RBFOX1: variants seen among roughly 807,000 people sequenced by gnomAD.
RBFOX1 encodes RNA binding fox-1 homolog 1, also known as RNA binding protein fox-1 homolog 1.
RBFOX1 carries 8 observed loss-of-function variants against 57.7 expected under a neutral mutation model. That is an observed-to-expected ratio of 0.14 (90% CI 0.08 to 0.25). RBFOX1 has a LOEUF of 0.25. RBFOX1 is among the 10% of genes least tolerant of loss of function. The pLI, the probability that RBFOX1 is intolerant of heterozygous loss-of-function variation, is 1.00. For synonymous variants in RBFOX1, 326 were observed against 222.4 expected (o/e 1.47, Z -4.15); for missense variants, 611 against 548.5 (o/e 1.11, Z -1.14).
At chr16:6,579,754 T>C (rs2097506411) in intron 2 of RBFOX1, among the ~76,000 whole-genome samples, 1 of 152,076 alleles carries the variant, frequency 6.6e-6, no homozygotes, top group Non-Finnish European at 1.5e-5. Flanking sequence ...TTGGCTAATT[T>C]TTCAATTTTT....
intron 3 of RBFOX1, among the ~76,000 whole-genome samples, chr16:5,738,143 G>A (rs997532709): frequency 6.6e-6 from 1 of 151,840 alleles, no homozygotes; most frequent in African/African-American, 2.4e-5. Context: ...TGCTGAGAAT[G>A]ATCTTCTGGT....
chr16:7,703,246 A>C (rs902240199), intron 14 of RBFOX1, among the ~76,000 whole-genome samples: 9 of 152,174 alleles, frequency 5.9e-5, no homozygotes, highest in Non-Finnish European at 1.0e-4. Context: ...CATTGCAGAG[A>C]CCCGGGCCAT....
At chr16:5,855,371 C>T (rs1212647938) in intron 3 of RBFOX1, among the ~76,000 whole-genome samples, 1 of 152,140 alleles carries the variant, frequency 6.6e-6, no homozygotes, top group Non-Finnish European at 1.5e-5. Flanking sequence ...ATGTTTGAGT[C>T]TTTAATCCAT....
rs61349150 is a variant in RBFOX1, at chr16:6,940,763, A to AGTGTGTGTGTGTGT, written c.-15-111259_-15-111246dup. 9.3e-4 allele frequency among the ~76,000 whole-genome samples: 107 copies of AGTGTGTGTGTGTGT among 114,456 alleles called. 2 individuals carry two copies. Among genetic ancestry groups the AGTGTGTGTGTGTGT allele is most frequent in the South Asian group, 4.6e-3 (14 of 3,068 alleles). The allele number at this position is 114,456 out of a possible 152,430, so 75.1% of individuals were successfully genotyped here. A position where few individuals can be genotyped will look rare whatever the true frequency, so the allele number is the denominator to read the frequency against. On this transcript the variant is annotated intron_variant, in intron 3 of 15. Transcript: ENST00000550418. ...CAGGCGCCCGCCACCATGTCCCGCTAGTGTGTGTGTGTGTGTGTGTGTGTG... is the reference window on the plus strand; with the variant it reads ...CAGGCGCCCGCCACCATGTCCCGCTAGTGTGTGTGTGTGTGTGTGTGTGTGTGTGTGTGTGTGTG...
At chr16:7,033,207 G>A (rs1597546970) in intron 3 of RBFOX1, among the ~76,000 whole-genome samples, 1 of 152,094 alleles carries the variant, frequency 6.6e-6, no homozygotes, top group Non-Finnish European at 1.5e-5. Context: ...GACCACCCGT[G>A]CCTTACCTCC....
chr16:6,686,474 C>T (rs8059039), intron 3 of RBFOX1, among the ~76,000 whole-genome samples: 24,349 of 152,184 alleles, frequency 0.16, 2,117 homozygotes, highest in Middle Eastern at 0.21. Flanking sequence ...ATAATTTAAG[C>T]ACTACGTGGT....
intron 9 of RBFOX1, 145 bp downstream of exon 9, chr16:7,597,576 T>C (rs2094772075): frequency 3.2e-6 from 2 of 625,438 alleles, no homozygotes; most frequent in Admixed American, 7.0e-5. Flanking sequence ...GTGAACCACC[T>C]ACATCAATAA....
At chr16:5,392,894 G>A (rs2066452755) in intron 1 of RBFOX1, among the ~76,000 whole-genome samples, 1 of 151,982 alleles carries the variant, frequency 6.6e-6, no homozygotes, top group African/African-American at 2.4e-5. Context: ...TTACATCCTG[G>A]CACTTACCTG....
intron 1 of RBFOX1, among the ~76,000 whole-genome samples, chr16:6,048,206 G>A (rs1297269879): frequency 6.6e-6 from 1 of 152,204 alleles, no homozygotes; most frequent in East Asian, 1.9e-4. Context: ...GCTGGCTCAG[G>A]AAGGATCCTT....
intron 2 of RBFOX1, among the ~76,000 whole-genome samples, chr16:6,649,909 G>A (rs2098567435): frequency 6.6e-6 from 1 of 152,072 alleles, no homozygotes; most frequent in South Asian, 2.1e-4. Context: ...ATCTACTTGT[G>A]GATTGGTGGG....
intron 2 of RBFOX1, among the ~76,000 whole-genome samples, chr16:6,536,407 C>T (rs1040955278): frequency 6.6e-6 from 1 of 152,182 alleles, no homozygotes; most frequent in Non-Finnish European, 1.5e-5. Context: ...TTTCTGTCCC[C>T]TATTGTCCTC....
intron 15 of RBFOX1, chr16:7,709,689 G>C (rs541316811): frequency 8.5e-6 from 11 of 1,301,718 alleles, no homozygotes; most frequent in Admixed American, 6.2e-5. Context: ...AAAGTAGAAG[G>C]AATCAGCTGG....
At chr16:6,842,142 G>GA (rs1003554401) in intron 3 of RBFOX1, among the ~76,000 whole-genome samples, 58 of 140,286 alleles carry the variant, frequency 4.1e-4, no homozygotes, top group African/African-American at 1.4e-3. Flanking sequence ...GACTGTCTCA[G>GA]AAAAAAAAAT....
intron 4 of RBFOX1, among the ~76,000 whole-genome samples, chr16:7,421,741 G>A (rs2098544554): frequency 6.6e-6 from 1 of 152,230 alleles, no homozygotes; most frequent in South Asian, 2.1e-4. Context: ...ATCATTCCTT[G>A]TTTGGTTCTG....
intron 1 of RBFOX1, among the ~76,000 whole-genome samples, chr16:5,364,173 T>G (rs2065639012): frequency 6.6e-6 from 1 of 152,232 alleles, no homozygotes; most frequent in South Asian, 2.1e-4. Flanking sequence ...TTTATTAATT[T>G]TTAAGTTTCC....
At chr16:6,832,969 A>G (rs546040678) in intron 3 of RBFOX1, among the ~76,000 whole-genome samples, 48 of 152,216 alleles carry the variant, frequency 3.2e-4, no homozygotes, top group African/African-American at 1.1e-3. Flanking sequence ...ACACAAATTG[A>G]TATGTAACTC....
chr16:6,368,737 T>C (rs977511851), intron 2 of RBFOX1, among the ~76,000 whole-genome samples: 15 of 152,220 alleles, frequency 9.9e-5, no homozygotes, highest in African/African-American at 3.4e-4. Context: ...AGTCCATGTT[T>C]ACACATGACA....
chr16:6,401,532 C>G (rs1260213393), intron 2 of RBFOX1, among the ~76,000 whole-genome samples: 1 of 152,038 alleles, frequency 6.6e-6, no homozygotes, highest in East Asian at 1.9e-4. Flanking sequence ...ATTTATAGGA[C>G]TTTGGATCAT....
intron 3 of RBFOX1, among the ~76,000 whole-genome samples, chr16:6,912,689 C>T (rs552107025): frequency 3.3e-5 from 5 of 151,596 alleles, no homozygotes; most frequent in South Asian, 2.1e-4. Flanking sequence ...GATCATAGCT[C>T]ACTGTAGCGC....
Sources: gnomAD v4.1 joint callset for allele counts (sites outside exome capture counted in the v4.1 genomes callset) on GRCh38, gnomAD v4.1.1 for gene constraint, MANE v1.5 for transcripts, NCBI Gene and HGNC (gene_info 2026-07-23, HGNC 2026-07-21) for gene names.